HERC3: variants seen among roughly 807,000 people sequenced by gnomAD.
HERC3 encodes HECT and RLD domain containing E3 ubiquitin protein ligase 3.
In HERC3, 58 loss-of-function variants were observed where a neutral mutation model predicts 129.9. The ratio of observed to expected loss-of-function variants is 0.45; its 90% CI spans 0.36 to 0.56. HERC3 has a LOEUF of 0.56. HERC3 is among the 20% of genes least tolerant of loss of function. The pLI is 0.00. For missense variants in HERC3, 835 were observed against 1,244.2 expected (o/e 0.67, Z 4.95); for synonymous variants, 430 against 451.0 (o/e 0.95, Z 0.59).
At chr4:88,605,376 A>G (rs932386676) in intron 2 of HERC3, among the ~76,000 whole-genome samples, 4 of 152,228 alleles carry the variant, frequency 2.6e-5, no homozygotes, top group African/African-American at 9.6e-5. Flanking sequence ...AAAATTTTTT[A>G]AAACATTAAA....
the HERC3 span, among the ~76,000 whole-genome samples, chr4:88,532,728 A>T: frequency 6.6e-6 from 1 of 152,190 alleles, no homozygotes; most frequent in Admixed American, 6.5e-5. Context: ...AAAAAGAATG[A>T]AGAGTAGAAG....
chr4:88,595,522 A>G (rs1578131726), intron 1 of HERC3, 35 bp from the exon 2 acceptor site: 1 of 152,240 alleles, frequency 6.6e-6, no homozygotes, highest in Non-Finnish European at 1.5e-5. Context: ...ACAGAGTTCC[A>G]TACTAATGTT....
the HERC3 span, among the ~76,000 whole-genome samples, chr4:88,574,267 C>A: frequency 6.6e-6 from 1 of 152,168 alleles, no homozygotes; most frequent in African/African-American, 2.4e-5. Context: ...GAGGTTGCAG[C>A]TTTATGCACA....
intron 23 of HERC3, chr4:88,689,927 T>G (rs1578326430): frequency 1.2e-6 from 1 of 859,466 alleles, no homozygotes; most frequent in African/African-American, 1.9e-5. Flanking sequence ...ATCTCATACA[T>G]CATTCATTAA....
chr4:88,533,057 AAGCCGACAGCGCAGCCTTC>A, the HERC3 span, among the ~76,000 whole-genome samples: 9 of 152,132 alleles, frequency 5.9e-5, no homozygotes, highest in African/African-American at 2.2e-4. Flanking sequence ...AAAAGTAGGG[AAGCCGACAGCGCAGCCTTC>A]AGCCTGTGGC....
chr4:88,592,237 G>C (rs1721758162), upstream of HERC3, among the ~76,000 whole-genome samples: 1 of 152,244 alleles, frequency 6.6e-6, no homozygotes, highest in African/African-American at 2.4e-5. Flanking sequence ...GATTTCGGCT[G>C]ACACACCCGT....
At chr4:88,601,783 G>T (rs1417183960) in intron 2 of HERC3, among the ~76,000 whole-genome samples, 25,733 of 131,994 alleles carry the variant, frequency 0.19, 5,980 homozygotes, top group African/African-American at 0.58. Context: ...GGGGCCGGGC[G>T]CGGTGGCTTA....
At chr4:88,679,622 C>T (rs1035852631) in intron 19 of HERC3, among the ~76,000 whole-genome samples, 1 of 151,406 alleles carries the variant, frequency 6.6e-6, no homozygotes, top group African/African-American at 2.4e-5. Flanking sequence ...CACATTCAAG[C>T]GACACTCCTG....
chr4:88,700,343 G>A (rs1735211030), intron 23 of HERC3, among the ~76,000 whole-genome samples: 1 of 151,998 alleles, frequency 6.6e-6, no homozygotes, highest in Admixed American at 6.5e-5. Context: ...GTAAATGTAC[G>A]CTTAACTTCA....
chr4:88,588,391 T>C (rs910906483), upstream of HERC3, among the ~76,000 whole-genome samples: 3 of 152,236 alleles, frequency 2.0e-5, no homozygotes, highest in African/African-American at 7.2e-5. Flanking sequence ...ATAAGTTTAG[T>C]CTGGGTATAG....
At chr4:88,585,963 C>G in the HERC3 span, among the ~76,000 whole-genome samples, 3 of 152,110 alleles carry the variant, frequency 2.0e-5, no homozygotes, top group African/African-American at 7.2e-5. Flanking sequence ...ACTCAGATAT[C>G]GTGTGTGTGT....
the HERC3 span, among the ~76,000 whole-genome samples, chr4:88,582,554 G>T: frequency 6.6e-6 from 1 of 152,108 alleles, no homozygotes; most frequent in African/African-American, 2.4e-5. Context: ...TCTTTTAAAA[G>T]AAATGTAACT....
At chr4:88,662,123 G>T (rs1472918740) in intron 10 of HERC3, among the ~76,000 whole-genome samples, 3 of 152,134 alleles carry the variant, frequency 2.0e-5, no homozygotes, top group Non-Finnish European at 2.9e-5. Flanking sequence ...GTCCCATGAG[G>T]AGCACTGAAG....
intron 3 of HERC3, among the ~76,000 whole-genome samples, chr4:88,642,794 G>A (rs1048284432): frequency 1.1e-4 from 17 of 151,864 alleles, no homozygotes; most frequent in Non-Finnish European, 7.4e-5. Flanking sequence ...CAGCATATAC[G>A]TTTTGGGGGA....
the HERC3 span, among the ~76,000 whole-genome samples, chr4:88,555,425 T>C: frequency 1.3e-5 from 2 of 152,168 alleles, no homozygotes; most frequent in African/African-American, 4.8e-5. Context: ...TTGCAAGTTA[T>C]TTTGGGGTAG....
chr4:88,550,363 A>G, the HERC3 span, among the ~76,000 whole-genome samples: 572 of 152,334 alleles, frequency 3.8e-3, 2 homozygotes, highest in African/African-American at 0.013. Context: ...TGCAGACGAC[A>G]TGACTGTATA....
the HERC3 span, among the ~76,000 whole-genome samples, chr4:88,576,234 T>G: frequency 2.6e-5 from 4 of 152,004 alleles, no homozygotes; most frequent in Non-Finnish European, 4.4e-5. Flanking sequence ...AACCTCCTGG[T>G]TGGCCTTTAT....
At chr4:88,686,967 C>T (rs994352388) in intron 22 of HERC3, among the ~76,000 whole-genome samples, 165 bp downstream of exon 22, 3 of 152,086 alleles carry the variant, frequency 2.0e-5, no homozygotes, top group Admixed American at 1.3e-4. Context: ...GTTCAGTGGG[C>T]GTGTTGAATA....
At chr4:88,642,149 AAAAG>A (rs1728179339) in intron 3 of HERC3, among the ~76,000 whole-genome samples, 1 of 147,806 alleles carries the variant, frequency 6.8e-6, no homozygotes, top group Non-Finnish European at 1.5e-5. Context: ...AAAAAAAAAA[AAAAG>A]GAAGGAAGAA....
Sources: gnomAD v4.1 joint callset for allele counts (sites outside exome capture counted in the v4.1 genomes callset) on GRCh38, gnomAD v4.1.1 for gene constraint, MANE v1.5 for transcripts, NCBI Gene and HGNC (gene_info 2026-07-23, HGNC 2026-07-21) for gene names.